GPHN: variants seen among roughly 807,000 people sequenced by gnomAD.
GPHN encodes gephyrin.
In GPHN, 17 loss-of-function variants were observed where a neutral mutation model predicts 95.5. That is an observed-to-expected ratio of 0.18 (90% CI 0.12 to 0.27). The LOEUF is 0.27. Ranked by LOEUF, GPHN falls within the 10% of genes least tolerant of loss-of-function variation. The probability of loss-of-function intolerance (pLI) is 1.00; values close to 1 mark genes in which losing one functional copy is unlikely to be tolerated. For missense variants in GPHN, 660 were observed against 978.1 expected (o/e 0.67, Z 4.34); for synonymous variants, 320 against 322.5 (o/e 0.99, Z 0.08).
At chr14:67,054,036 C>T (rs1477459201) in intron 10 of GPHN, among the ~76,000 whole-genome samples, 3 of 152,160 alleles carry the variant, frequency 2.0e-5, no homozygotes, top group Non-Finnish European at 4.4e-5. Flanking sequence ...AAAGCATTCC[C>T]CTTGAAAATC....
chr14:66,742,162 C>T (rs1418510741), intron 2 of GPHN, among the ~76,000 whole-genome samples: 1 of 152,160 alleles, frequency 6.6e-6, no homozygotes. Flanking sequence ...TTCTTATATC[C>T]CCCAGGGTGG....
At chr14:67,388,784 A>C in the GPHN span, among the ~76,000 whole-genome samples, 1 of 152,048 alleles carries the variant, frequency 6.6e-6, no homozygotes, top group Non-Finnish European at 1.5e-5. Flanking sequence ...GGTTCAAGCG[A>C]TTCTCCTGCC....
intron 18 of GPHN, among the ~76,000 whole-genome samples, chr14:67,158,942 A>T (rs2081793993): frequency 6.6e-6 from 1 of 152,212 alleles, no homozygotes; most frequent in South Asian, 2.1e-4. Flanking sequence ...TGGCTTTAAG[A>T]TCATTAAGCA....
intron 4 of GPHN, among the ~76,000 whole-genome samples, chr14:66,826,380 C>T (rs2061386072): frequency 6.6e-6 from 1 of 152,086 alleles, no homozygotes. Flanking sequence ...TTCAACTCTC[C>T]AGATATCAAA....
the GPHN span, among the ~76,000 whole-genome samples, chr14:67,702,525 A>G: frequency 3.9e-5 from 6 of 152,344 alleles, no homozygotes; most frequent in East Asian, 1.2e-3. Context: ...AAAATATTTA[A>G]TAAGACAAGT....
At chr14:67,606,412 TTAATG>T in the GPHN span, among the ~76,000 whole-genome samples, 1 of 152,230 alleles carries the variant, frequency 6.6e-6, no homozygotes, top group Admixed American at 6.5e-5. Flanking sequence ...TAAAGGTTTT[TTAATG>T]TAATAAGCCA....
At chr14:67,284,568 A>AAAAAAAAAAAAAAC in the GPHN span, among the ~76,000 whole-genome samples, 1 of 140,060 alleles carries the variant, frequency 7.1e-6, no homozygotes, top group African/African-American at 2.6e-5. Context: ...AAAAAAAAAA[A>AAAAAAAAAAAAAAC]AAAAAAAAAA....
the GPHN span, among the ~76,000 whole-genome samples, chr14:67,694,443 TATATATATACACACACACACAC>T: frequency 1.4e-5 from 2 of 139,504 alleles, no homozygotes; most frequent in Admixed American, 7.6e-5. Context: ...TATATATATA[TATATATATACACACACACACAC>T]ATATATATAT....
chr14:66,544,123 C>T (rs2059448712), intron 1 of GPHN, among the ~76,000 whole-genome samples: 1 of 152,316 alleles, frequency 6.6e-6, no homozygotes, highest in African/African-American at 2.4e-5. Flanking sequence ...TCCACTTCAG[C>T]CACACTGACC....
At chr14:66,613,900 A>G (rs957562929) in intron 1 of GPHN, among the ~76,000 whole-genome samples, 5 of 152,094 alleles carry the variant, frequency 3.3e-5, no homozygotes, top group African/African-American at 1.2e-4. Context: ...TGTTTCATAT[A>G]TTCATCAACA....
intron 2 of GPHN, among the ~76,000 whole-genome samples, chr14:66,750,449 A>G (rs2058324619): frequency 6.6e-6 from 1 of 151,964 alleles, no homozygotes; most frequent in Non-Finnish European, 1.5e-5. Context: ...GGAAAGGACC[A>G]GGACACCAGT....
intron 11 of GPHN, among the ~76,000 whole-genome samples, chr14:67,068,293 T>C (rs2076147790): frequency 6.6e-6 from 1 of 152,230 alleles, no homozygotes; most frequent in Admixed American, 6.5e-5. Context: ...TGACTACCGA[T>C]GAATTTTCTA....
At chr14:67,076,784 T>A (rs1042210351) in intron 11 of GPHN, among the ~76,000 whole-genome samples, 5 of 152,198 alleles carry the variant, frequency 3.3e-5, no homozygotes, top group Non-Finnish European at 5.9e-5. Context: ...CCACATTTTA[T>A]ATTTGAAAGG....
At chr14:66,732,556 G>A (rs1048876927) in intron 2 of GPHN, among the ~76,000 whole-genome samples, 16 of 152,184 alleles carry the variant, frequency 1.1e-4, no homozygotes, top group Admixed American at 4.6e-4. Flanking sequence ...TTGCTCTTTC[G>A]CCCAGGCTGG....
At chr14:67,391,634 G>T in the GPHN span, among the ~76,000 whole-genome samples, 1 of 152,188 alleles carries the variant, frequency 6.6e-6, no homozygotes, top group African/African-American at 2.4e-5. Context: ...ACATTCACAT[G>T]GTATACAATA....
intron 2 of GPHN, among the ~76,000 whole-genome samples, chr14:66,730,402 A>G (rs929771173): frequency 6.6e-6 from 1 of 152,156 alleles, no homozygotes; most frequent in Non-Finnish European, 1.5e-5. Context: ...GTTGATATAT[A>G]TATCTTCTGA....
intron 1 of GPHN, among the ~76,000 whole-genome samples, chr14:66,565,527 T>A (rs1474758846): frequency 6.6e-6 from 1 of 152,162 alleles, no homozygotes; most frequent in African/African-American, 2.4e-5. Context: ...CTTGAACTCT[T>A]GGGCTCAAGT....
At chr14:67,325,401 T>A in the GPHN span, among the ~76,000 whole-genome samples, 4 of 152,182 alleles carry the variant, frequency 2.6e-5, no homozygotes, top group Non-Finnish European at 5.9e-5. Flanking sequence ...GGCTAGCTGG[T>A]TAAAGTAGTG....
At chr14:66,597,140 A>G (rs1443286379) in intron 1 of GPHN, among the ~76,000 whole-genome samples, 1 of 152,184 alleles carries the variant, frequency 6.6e-6, no homozygotes, top group African/African-American at 2.4e-5. Flanking sequence ...CCATCAGCCA[A>G]GTTTCCATTT....
Sources: gnomAD v4.1 joint callset for allele counts (sites outside exome capture counted in the v4.1 genomes callset) on GRCh38, gnomAD v4.1.1 for gene constraint, MANE v1.5 for transcripts, NCBI Gene and HGNC (gene_info 2026-07-23, HGNC 2026-07-21) for gene names.